The following OTOGL variants were observed in gnomAD, a reference collection of about 807,000 sequenced individuals.
The protein encoded by OTOGL is otogelin like.
A neutral mutation model predicts 318.5 loss-of-function variants in OTOGL; 285 were observed. That is an observed-to-expected ratio of 0.89 (90% CI 0.81 to 0.99). The LOEUF (loss-of-function observed/expected upper bound fraction) is 0.99. OTOGL is among the 50% of genes least tolerant of loss of function. OTOGL has a pLI of 0.00. For synonymous variants in OTOGL, 987 were observed against 936.5 expected (o/e 1.05, Z -0.99); for missense variants, 2,899 against 2,845.6 (o/e 1.02, Z -0.43).
intron 11 of OTOGL, among the ~76,000 whole-genome samples, chr12:80,239,677 T>A (rs1434364408): frequency 6.6e-6 from 1 of 152,178 alleles, no homozygotes; most frequent in African/African-American, 2.4e-5. Flanking sequence ...TACATTCGTG[T>A]AATCAAATAA....
At chr12:80,218,093 T>C (rs932953070) in intron 5 of OTOGL, among the ~76,000 whole-genome samples, 2 of 152,218 alleles carry the variant, frequency 1.3e-5, no homozygotes, top group Non-Finnish European at 2.9e-5. Context: ...TTTCATTTGA[T>C]ATTTGTTTTC....
intron 1 of OTOGL, among the ~76,000 whole-genome samples, chr12:80,114,966 A>C (rs1870074165): frequency 1.3e-5 from 2 of 151,742 alleles, no homozygotes; most frequent in African/African-American, 4.8e-5. Flanking sequence ...CAGCTCCATC[A>C]GGTCATTTAT....
intron 11 of OTOGL, among the ~76,000 whole-genome samples, chr12:80,243,575 G>A (rs553239066): frequency 1.3e-5 from 2 of 151,542 alleles, no homozygotes; most frequent in African/African-American, 4.8e-5. Flanking sequence ...CTCCTCTTGA[G>A]TTTTCCAAAT....
At chr12:80,177,314 T>C (rs1189887528) in intron 1 of OTOGL, among the ~76,000 whole-genome samples, 1 of 152,176 alleles carries the variant, frequency 6.6e-6, no homozygotes, top group Non-Finnish European at 1.5e-5. Flanking sequence ...GGGGTGGTTG[T>C]CATTTCTTAA....
intron 1 of OTOGL, among the ~76,000 whole-genome samples, chr12:80,205,434 A>C (rs931642115): frequency 1.3e-5 from 2 of 152,224 alleles, no homozygotes; most frequent in Non-Finnish European, 2.9e-5. Flanking sequence ...AATCATGACC[A>C]ACACAGATAC....
In OTOGL at chr12:80,144,137, C is replaced by G. The variant is rs140367303; in HGVS notation, c.-20+44532C>G. On this transcript the variant is annotated intron_variant, in intron 1 of 58. Transcript: ENST00000547103. ...TAGTTACATATGTAAACATGTGCCA[C>G]GCTGGTGCGCTGCACCCACTAACTC... Among the ~76,000 whole-genome samples the G allele has an allele frequency of 6.4e-3, 967 of 151,608 alleles. 14 individuals are homozygous for G. Among genetic ancestry groups the G allele is most frequent in the African/African-American group, 0.021 (854 of 41,286 alleles).
chr12:80,224,462 G>T (rs938108034), intron 7 of OTOGL, among the ~76,000 whole-genome samples: 9 of 152,026 alleles, frequency 5.9e-5, no homozygotes, highest in African/African-American at 2.2e-4. Context: ...AATGATGGTG[G>T]TATTTTCATG....
chr12:80,198,250 T>G (rs1209712360), intron 1 of OTOGL, among the ~76,000 whole-genome samples: 1 of 152,210 alleles, frequency 6.6e-6, no homozygotes, highest in Admixed American at 6.5e-5. Context: ...TTTATCTGTG[T>G]CTTCAATATC....
intron 26 of OTOGL, among the ~76,000 whole-genome samples, chr12:80,289,317 A>G (rs1338955904): frequency 6.6e-6 from 1 of 152,146 alleles, no homozygotes; most frequent in Admixed American, 6.5e-5. Flanking sequence ...GCTCTCCTGT[A>G]TGAAGTGTCT....
chr12:80,164,648 G>T (rs1426463511), intron 1 of OTOGL, among the ~76,000 whole-genome samples: 2 of 152,044 alleles, frequency 1.3e-5, no homozygotes, highest in Non-Finnish European at 2.9e-5. Flanking sequence ...ATCCATTGCA[G>T]TCATTATCCT....
At chr12:80,260,210 A>G (rs1386253535) in intron 18 of OTOGL, among the ~76,000 whole-genome samples, 1 of 152,070 alleles carries the variant, frequency 6.6e-6, no homozygotes, top group Admixed American at 6.6e-5. Flanking sequence ...AAAAATTTTA[A>G]TTTCTTCTAT....
chr12:80,362,807 C>T (rs182421836), intron 52 of OTOGL, among the ~76,000 whole-genome samples: 5 of 151,806 alleles, frequency 3.3e-5, no homozygotes, highest in African/African-American at 4.8e-5. Context: ...CTAATAGAAA[C>T]GGAAGTAAAT....
rs2137832756 is a variant in OTOGL, at chr12:80,320,579, C to T, written c.3960C>T (p.Tyr1320=). ...ATCAGGGCCTCTGGATTCCTGGTTACAGTGCATTTGAGTTATACAGCAAGA... is the reference window on the plus strand; with the variant it reads ...ATCAGGGCCTCTGGATTCCTGGTTATAGTGCATTTGAGTTATACAGCAAGA... The part of the protein sequence containing the change: ...FHHQGLWIPG[Y]SAFELYSKKG... The change falls in exon 34 of 59, where the codon TAC becomes TAT. Residue 1320 remains tyrosine (Y), a synonymous_variant. Transcript: ENST00000547103. 1 of 1,613,308 alleles carries T rather than the reference C, an allele frequency of 6.2e-7. No individual in the cohort carries two copies. The highest frequency in any genetic ancestry group is 2.2e-5 in the East Asian group (1 of 44,872).
chr12:80,117,969 A>G (rs1473477749), intron 1 of OTOGL, among the ~76,000 whole-genome samples: 3 of 152,140 alleles, frequency 2.0e-5, no homozygotes, highest in African/African-American at 7.2e-5. Context: ...ACATCTTTAA[A>G]ACTATCTCCT....
chr12:80,124,805 G>A (rs1254440596), intron 1 of OTOGL, among the ~76,000 whole-genome samples: 2 of 152,098 alleles, frequency 1.3e-5, no homozygotes, highest in East Asian at 3.9e-4. Context: ...AAGCAATTGT[G>A]AATGGGAGTT....
At chr12:80,245,223 T>A (rs1880771228) in intron 11 of OTOGL, among the ~76,000 whole-genome samples, 1 of 57,422 alleles carries the variant, frequency 1.7e-5, no homozygotes, top group East Asian at 5.0e-4. Context: ...GTTTTGGACA[T>A]GAAGTCCTTG....
intron 24 of OTOGL, among the ~76,000 whole-genome samples, chr12:80,275,567 A>G (rs1324688653): frequency 6.6e-6 from 1 of 152,002 alleles, no homozygotes; most frequent in South Asian, 2.1e-4. Context: ...TTGATAAAGC[A>G]GTGGTAGGGT....
chr12:80,106,028 A>C (rs1869435133), intron 1 of OTOGL, among the ~76,000 whole-genome samples: 1 of 152,222 alleles, frequency 6.6e-6, no homozygotes, highest in Non-Finnish European at 1.5e-5. Context: ...ATCACTAAAA[A>C]CAAAAAGGAA....
chr12:80,147,648 A>C (rs982799879), intron 1 of OTOGL, among the ~76,000 whole-genome samples: 5 of 152,010 alleles, frequency 3.3e-5, no homozygotes, highest in African/African-American at 4.8e-5. Flanking sequence ...TAATGTTGAC[A>C]GTGGGGTGTT....
Sources: gnomAD v4.1 joint callset for allele counts (sites outside exome capture counted in the v4.1 genomes callset) on GRCh38, gnomAD v4.1.1 for gene constraint, MANE v1.5 for transcripts, NCBI Gene and HGNC (gene_info 2026-07-23, HGNC 2026-07-21) for gene names.